Variants in ME3 observed in about 807,000 individuals in gnomAD.
ME3 encodes malic enzyme 3.
In ME3, 48 loss-of-function variants were observed where a neutral mutation model predicts 68.9. The ratio of observed to expected loss-of-function variants is 0.70; its 90% CI spans 0.55 to 0.89. The LOEUF (loss-of-function observed/expected upper bound fraction) is 0.89, where lower values mean the gene tolerates loss of function less well. Ranked by LOEUF, ME3 falls within the 40% of genes least tolerant of loss-of-function variation. The pLI is 0.00. For missense variants in ME3, 675 were observed against 797.4 expected (o/e 0.85, Z 1.85); for synonymous variants, 320 against 318.8 (o/e 1.00, Z -0.04).
At chr11:86,664,840 CCT>C (rs1214191223) in intron 2 of ME3, among the ~76,000 whole-genome samples, 1 of 152,208 alleles carries the variant, frequency 6.6e-6, no homozygotes, top group Non-Finnish European at 1.5e-5. Flanking sequence ...CTGAATAGGA[CCT>C]CCTTCTTCCC....
chr11:86,548,401 C>A (rs1331737786), intron 4 of ME3, among the ~76,000 whole-genome samples: 3 of 152,108 alleles, frequency 2.0e-5, no homozygotes, highest in African/African-American at 4.8e-5. Context: ...TGGAAGGACT[C>A]CTCCTCCTTC....
intron 2 of ME3, among the ~76,000 whole-genome samples, chr11:86,616,548 A>G (rs536498125): frequency 3.3e-5 from 5 of 152,344 alleles, no homozygotes; most frequent in African/African-American, 1.2e-4. Context: ...CACTAACAGT[A>G]CAAGCACATC....
intron 2 of ME3, among the ~76,000 whole-genome samples, chr11:86,623,730 T>C (rs1418743792): frequency 1.3e-5 from 2 of 152,230 alleles, no homozygotes; most frequent in Non-Finnish European, 2.9e-5. Flanking sequence ...CATGGCTCAG[T>C]CAACCAGTAT....
chr11:86,641,400 T>C (rs1362926771), intron 2 of ME3, among the ~76,000 whole-genome samples: 3 of 152,206 alleles, frequency 2.0e-5, no homozygotes, highest in Non-Finnish European at 4.4e-5. Flanking sequence ...ATGAAATAAA[T>C]GCTTCCTCAT....
At position 86,448,228 on chromosome 11, in the gene ME3, C is replaced by T. The variant is rs1469175295; in HGVS notation, c.1159G>A (p.Glu387Lys). ...TCAGGATGGTCTTGGGCAAACATCT[C>T]CTTTTCATGGTTCAGGTGGCTCCTC... Residue 387 changes from glutamate to lysine, a missense_variant, in exon 11 of 15, where the codon GAG becomes AAG. Physicochemically the swap from Glu to Lys is moderately conservative, Grantham distance 56 (BLOSUM62 1). Transcript: ENST00000543262. 1.2e-6 allele frequency: 2 copies of T among 1,614,170 alleles called. No individual in the cohort carries two copies. The highest frequency in any genetic ancestry group is 2.2e-5 in the East Asian group (1 of 44,886).
intron 5 of ME3, among the ~76,000 whole-genome samples, chr11:86,498,432 A>C (rs1356479150): frequency 6.6e-6 from 1 of 152,170 alleles, no homozygotes; most frequent in Non-Finnish European, 1.5e-5. Context: ...CTCTCCCTCA[A>C]GGAAACTAAA....
At chr11:86,542,647 G>C (rs556088454) in intron 4 of ME3, among the ~76,000 whole-genome samples, 1 of 152,268 alleles carries the variant, frequency 6.6e-6, no homozygotes, top group African/African-American at 2.4e-5. Flanking sequence ...AAGAAATATG[G>C]TATATGTGAA....
intron 2 of ME3, among the ~76,000 whole-genome samples, chr11:86,586,356 C>A (rs73524030): frequency 6.6e-6 from 1 of 152,022 alleles, no homozygotes; most frequent in East Asian, 1.9e-4. Flanking sequence ...TGGTGGGGTC[C>A]GAGGGGACAG....
chr11:86,567,233 GA>G (rs770350069), intron 2 of ME3, among the ~76,000 whole-genome samples: 8,833 of 90,874 alleles, frequency 0.097, 402 homozygotes, highest in African/African-American at 0.17. Flanking sequence ...AAGAAAGAAA[GA>G]AAAGAAAGAA....
intron 8 of ME3, among the ~76,000 whole-genome samples, chr11:86,464,406 A>G (rs1950376445): frequency 6.6e-6 from 1 of 152,234 alleles, no homozygotes; most frequent in African/African-American, 2.4e-5. Context: ...AAGTACCTTC[A>G]GATATTTCTG....
intron 8 of ME3, among the ~76,000 whole-genome samples, chr11:86,462,291 T>C (rs1183432651): frequency 6.6e-6 from 1 of 152,138 alleles, no homozygotes; most frequent in Admixed American, 6.6e-5. Flanking sequence ...ATCAAAAAAA[T>C]TAAGAAGTTA....
intron 2 of ME3, among the ~76,000 whole-genome samples, chr11:86,670,398 C>T (rs921126386): frequency 6.6e-6 from 1 of 152,130 alleles, no homozygotes; most frequent in Non-Finnish European, 1.5e-5. Flanking sequence ...GCCATCTGGG[C>T]TTGTGGTTCA....
intron 2 of ME3, chr11:86,667,792 A>G (rs1946674532): frequency 6.6e-6 from 1 of 152,190 alleles, no homozygotes. Flanking sequence ...TTGATGGCCC[A>G]TCAACATGTT....
chr11:86,617,375 A>T (rs1943049416), intron 2 of ME3, among the ~76,000 whole-genome samples: 1 of 152,134 alleles, frequency 6.6e-6, no homozygotes, highest in Non-Finnish European at 1.5e-5. Context: ...TAAGGTAACT[A>T]AGTCTCGTTT....
chr11:86,575,753 C>G (rs1240771213), intron 2 of ME3, among the ~76,000 whole-genome samples: 2 of 152,190 alleles, frequency 1.3e-5, no homozygotes, highest in African/African-American at 2.4e-5. Context: ...TCCCCGAAGA[C>G]AGGGCCATGA....
At chr11:86,628,713 G>T (rs1471096098) in intron 2 of ME3, among the ~76,000 whole-genome samples, 1 of 152,112 alleles carries the variant, frequency 6.6e-6, no homozygotes, top group African/African-American at 2.4e-5. Flanking sequence ...TAGGTAATGG[G>T]TTAGGTAACC....
At chr11:86,512,318 T>A (rs10898488) in intron 4 of ME3, among the ~76,000 whole-genome samples, 35,283 of 152,178 alleles carry the variant, frequency 0.23, 4,209 homozygotes, top group African/African-American at 0.26. Flanking sequence ...CATCCCTACA[T>A]AAACAAACTT....
chr11:86,527,062 A>T (rs1954812194), intron 4 of ME3, among the ~76,000 whole-genome samples: 1 of 152,146 alleles, frequency 6.6e-6, no homozygotes, highest in Non-Finnish European at 1.5e-5. Context: ...TGATCAAACT[A>T]CTCTGAGCTA....
rs149625329 is a variant in ME3, at chr11:86,523,718, G to A, written c.468-14851C>T. On this transcript the variant is annotated intron_variant, in intron 4 of 14. Transcript: ENST00000543262. ...ATACATGCAATTTTCACTAAAAATC[G>A]TGAGTACATGGAAAAGCTGATGAAG... 3.7e-3 allele frequency among the ~76,000 whole-genome samples: 565 copies of A among 152,148 alleles called. 2 individuals carry two copies. Among genetic ancestry groups the A allele is most frequent in the Middle Eastern group, 0.014 (4 of 294 alleles).
Sources: allele counts gnomAD v4.1 joint callset (sites outside exome capture counted in the v4.1 genomes callset), GRCh38; gene constraint gnomAD v4.1.1; transcripts MANE v1.5; gene names NCBI Gene and HGNC (gene_info 2026-07-23, HGNC 2026-07-21).